The following HOMER1 variants were observed in gnomAD, a reference collection of about 807,000 sequenced individuals.
HOMER1 encodes homer scaffold protein 1, also known as homer protein homolog 1.
HOMER1 carries 3 observed loss-of-function variants against 48.9 expected under a neutral mutation model. That is an observed-to-expected ratio of 0.06 (90% CI 0.03 to 0.16). The LOEUF is 0.16. Among genes scored for constraint, HOMER1 ranks in the 10% least tolerant of loss-of-function variants. The probability of loss-of-function intolerance (pLI) is 1.00; values close to 1 mark genes in which losing one functional copy is unlikely to be tolerated. For missense variants in HOMER1, 247 were observed against 411.4 expected (o/e 0.60, Z 3.46); for synonymous variants, 134 against 146.4 (o/e 0.92, Z 0.61).
At chr5:79,437,386 A>AT (rs1490366470) in intron 5 of HOMER1, among the ~76,000 whole-genome samples, 1 of 152,304 alleles carries the variant, frequency 6.6e-6, no homozygotes, top group South Asian at 2.1e-4. Context: ...ATAGTAAAAT[A>AT]TTTTTTAAAA....
At chr5:79,512,725 A>G (rs1405685789) in intron 1 of HOMER1, 45 bp downstream of exon 1, 16 of 1,592,430 alleles carry the variant, frequency 1.0e-5, no homozygotes, top group Non-Finnish European at 1.3e-5. Context: ...AATAATACAC[A>G]TACATAAACA....
intron 4 of HOMER1, among the ~76,000 whole-genome samples, chr5:79,440,194 A>G (rs1750702678): frequency 6.6e-6 from 1 of 152,358 alleles, no homozygotes; most frequent in African/African-American, 2.4e-5. Flanking sequence ...AATGTAGCAT[A>G]TAATTTTTAA....
intron 5 of HOMER1, among the ~76,000 whole-genome samples, chr5:79,408,738 C>A (rs1749735272): frequency 6.6e-6 from 1 of 152,108 alleles, no homozygotes; most frequent in African/African-American, 2.4e-5. Context: ...ATTAAAAAAA[C>A]TGATCACAGG....
chr5:79,426,692 ATAGT>A (rs1455680013), intron 5 of HOMER1, among the ~76,000 whole-genome samples: 3 of 152,132 alleles, frequency 2.0e-5, no homozygotes, highest in Non-Finnish European at 2.9e-5. Context: ...GGGAATAAAA[ATAGT>A]TAGATAGAAG....
chr5:79,437,617 A>G (rs1245334930), intron 5 of HOMER1, among the ~76,000 whole-genome samples: 2 of 152,208 alleles, frequency 1.3e-5, no homozygotes, highest in Non-Finnish European at 2.9e-5. Context: ...ACAAATTAGA[A>G]TAGCCTCACA....
At position 79,375,414 on chromosome 5, in the gene HOMER1, C is replaced by T. The variant is rs1327838603; in HGVS notation, c.*595G>A. The stretch of plus-strand genomic sequence containing the variant: ...CACCAGAGTGAAATATCTTCCAGCA[C>T]AAAAAAGGGAAGAACTCTATACACC... On this transcript the variant is annotated 3_prime_UTR_variant, in exon 9 of 9. Coordinates refer to ENST00000334082, the MANE Select transcript of HOMER1 (RefSeq NM_004272.5). 6.6e-6 allele frequency: 1 copy of T among 151,712 alleles called. No individual in the cohort carries two copies. Among genetic ancestry groups the T allele is most frequent in the Non-Finnish European group, 1.5e-5 (1 of 67,836 alleles). The allele number at this position is 151,712 out of a possible 1,614,324, so 9.4% of individuals were successfully genotyped here. A position where few individuals can be genotyped will look rare whatever the true frequency, so the allele number is the denominator to read the frequency against.
intron 1 of HOMER1, among the ~76,000 whole-genome samples, chr5:79,494,446 C>G (rs1580031126): frequency 2.0e-5 from 3 of 152,212 alleles, no homozygotes; most frequent in Admixed American, 6.5e-5. Flanking sequence ...TAATATCTAT[C>G]TAGATCACTG....
intron 8 of HOMER1, among the ~76,000 whole-genome samples, chr5:79,393,066 A>C (rs187464045): frequency 2.6e-5 from 4 of 152,194 alleles, no homozygotes; most frequent in Non-Finnish European, 4.4e-5. Context: ...GTATATAAAA[A>C]ATTTCTGTAT....
At chr5:79,502,815 C>CGG (rs1013775948) in intron 1 of HOMER1, among the ~76,000 whole-genome samples, 16 of 152,148 alleles carry the variant, frequency 1.1e-4, no homozygotes, top group Non-Finnish European at 1.8e-4. Flanking sequence ...GTGTGTGAGA[C>CGG]AGTCTCGCTC....
intron 1 of HOMER1, among the ~76,000 whole-genome samples, chr5:79,492,451 C>G (rs1405247058): frequency 6.6e-6 from 1 of 151,828 alleles, no homozygotes; most frequent in African/African-American, 2.4e-5. Flanking sequence ...TGTTTAAGTG[C>G]TTATACCAAT....
At chr5:79,377,249 A>T (rs1198865082) in intron 8 of HOMER1, among the ~76,000 whole-genome samples, 1 of 152,224 alleles carries the variant, frequency 6.6e-6, no homozygotes, top group Admixed American at 6.5e-5. Context: ...TACAGGCGTG[A>T]GCCACCCCGC....
intron 1 of HOMER1, among the ~76,000 whole-genome samples, chr5:79,469,044 C>T (rs967024701): frequency 4.6e-5 from 7 of 152,140 alleles, no homozygotes; most frequent in East Asian, 3.8e-4. Context: ...AGTACTCAAA[C>T]GACATCTCAT....
chr5:79,467,705 C>T (rs1000820109), intron 1 of HOMER1, among the ~76,000 whole-genome samples: 1 of 152,182 alleles, frequency 6.6e-6, no homozygotes, highest in Non-Finnish European at 1.5e-5. Flanking sequence ...AATAAAACGT[C>T]ACAGCACTTC....
intron 5 of HOMER1, among the ~76,000 whole-genome samples, chr5:79,412,694 CA>C (rs1178784578): frequency 6.6e-6 from 1 of 152,220 alleles, no homozygotes; most frequent in African/African-American, 2.4e-5. Context: ...AGGATATAAA[CA>C]AGACCCAGTG....
chr5:79,467,426 T>C (rs1000872357), intron 1 of HOMER1, among the ~76,000 whole-genome samples: 1 of 147,202 alleles, frequency 6.8e-6, no homozygotes, highest in Non-Finnish European at 1.5e-5. Context: ...AATGAAATGC[T>C]ATAAAGGCCA....
intron 1 of HOMER1, among the ~76,000 whole-genome samples, chr5:79,467,639 T>C (rs1358226662): frequency 1.3e-5 from 2 of 152,216 alleles, no homozygotes; most frequent in Admixed American, 1.3e-4. Flanking sequence ...GAAAAGTGGA[T>C]ATGTGTATAG....
intron 1 of HOMER1, among the ~76,000 whole-genome samples, chr5:79,466,741 T>C (rs867238040): frequency 3.9e-4 from 59 of 151,722 alleles, no homozygotes; most frequent in African/African-American, 1.3e-3. Context: ...TAGGTTAAAC[T>C]CCTGGCGTTT....
At chr5:79,477,174 A>T (rs2112335225) in intron 1 of HOMER1, among the ~76,000 whole-genome samples, 1 of 152,320 alleles carries the variant, frequency 6.6e-6, no homozygotes, top group East Asian at 1.9e-4. Flanking sequence ...AACAATAGAT[A>T]TATCATAGCA....
chr5:79,411,828 ACAGGGTG>A (rs1749821207), intron 5 of HOMER1, among the ~76,000 whole-genome samples: 1 of 152,186 alleles, frequency 6.6e-6, no homozygotes. Flanking sequence ...CAATTTAAAA[ACAGGGTG>A]CAGCTGGGTG....
Sources: allele counts gnomAD v4.1 joint callset (sites outside exome capture counted in the v4.1 genomes callset), GRCh38; gene constraint gnomAD v4.1.1; transcripts MANE v1.5; gene names NCBI Gene and HGNC (gene_info 2026-07-23, HGNC 2026-07-21).